EYS: variants seen among roughly 807,000 people sequenced by gnomAD.
The protein encoded by EYS is protein eyes shut homolog.
A neutral mutation model predicts 282.1 loss-of-function variants in EYS; 250 were observed. That is an observed-to-expected ratio of 0.89 (90% confidence interval 0.80 to 0.98). The LOEUF (loss-of-function observed/expected upper bound fraction) is 0.98, where lower values mean the gene tolerates loss of function less well. Ranked by LOEUF, EYS falls within the 50% of genes least tolerant of loss-of-function variation. EYS has a pLI of 0.00. For synonymous variants in EYS, 1,355 were observed against 1,282.9 expected, an observed-to-expected ratio of 1.06 and a Z score of -1.20; for missense variants, 4,016 against 3,709.0, an observed-to-expected ratio of 1.08 and a Z score of -2.15.
At chr6:65,660,352 C>T (rs1027630386) in intron 1 of EYS, among the ~76,000 whole-genome samples, 3 of 151,668 alleles carry the variant, frequency 2.0e-5, no homozygotes, top group African/African-American at 7.3e-5. Flanking sequence ...CTGCTTTTCT[C>T]TTGTATTTAT....
chr6:64,977,180 A>G (rs1770498803), intron 14 of EYS, among the ~76,000 whole-genome samples: 1 of 151,996 alleles, frequency 6.6e-6, no homozygotes, highest in Non-Finnish European at 1.5e-5. Flanking sequence ...GGAATGAACC[A>G]CTGCACGTTG....
At chr6:64,973,880 G>C (rs1770383543) in intron 14 of EYS, among the ~76,000 whole-genome samples, 1 of 151,726 alleles carries the variant, frequency 6.6e-6, no homozygotes. Context: ...TTCTGTTTTA[G>C]ATAAACATAG....
intron 19 of EYS, among the ~76,000 whole-genome samples, chr6:64,883,304 G>A (rs747851115): frequency 4.0e-5 from 6 of 151,280 alleles, no homozygotes; most frequent in African/African-American, 1.2e-4. Flanking sequence ...AATGTGCATC[G>A]CTTTGAAGCA....
At chr6:65,597,909 T>C (rs891009767) in intron 2 of EYS, among the ~76,000 whole-genome samples, 2 of 151,892 alleles carry the variant, frequency 1.3e-5, no homozygotes, top group Non-Finnish European at 2.9e-5. Context: ...GAAACCAGCA[T>C]GGGCAACATG....
intron 31 of EYS, among the ~76,000 whole-genome samples, chr6:64,167,237 A>G (rs1479707758): frequency 1.3e-5 from 2 of 152,218 alleles, no homozygotes; most frequent in Admixed American, 6.5e-5. Context: ...TTTCTGGTAT[A>G]TAAAATGGTA....
At chr6:65,021,945 A>G (rs1238506820) in intron 13 of EYS, among the ~76,000 whole-genome samples, 1 of 152,160 alleles carries the variant, frequency 6.6e-6, no homozygotes, top group African/African-American at 2.4e-5. Context: ...CACTATTACA[A>G]GAACAGCAGC....
chr6:65,289,561 C>T (rs1768465606), intron 12 of EYS, among the ~76,000 whole-genome samples: 1 of 150,934 alleles, frequency 6.6e-6, no homozygotes, highest in South Asian at 2.1e-4. Context: ...ATATATATAC[C>T]ACAGAAAAAG....
intron 33 of EYS, among the ~76,000 whole-genome samples, chr6:64,029,256 G>A (rs1261347830): frequency 6.6e-6 from 1 of 152,160 alleles, no homozygotes; most frequent in Non-Finnish European, 1.5e-5. Flanking sequence ...TCAGACTTGT[G>A]GGACAACCCC....
At chr6:63,968,136 A>G (rs1366481838) in intron 35 of EYS, among the ~76,000 whole-genome samples, 1 of 152,098 alleles carries the variant, frequency 6.6e-6, no homozygotes, top group African/African-American at 2.4e-5. Flanking sequence ...TGCTTTTTAT[A>G]TTTGTCTTCT....
At chr6:63,984,141 G>T (rs1008210251) in intron 35 of EYS, among the ~76,000 whole-genome samples, 4 of 151,654 alleles carry the variant, frequency 2.6e-5, no homozygotes, top group Non-Finnish European at 5.9e-5. Flanking sequence ...CCAAAACCAG[G>T]TCTAGTTACC....
chr6:64,539,336 T>G (rs1764625052), intron 26 of EYS, among the ~76,000 whole-genome samples: 1 of 152,066 alleles, frequency 6.6e-6, no homozygotes, highest in Non-Finnish European at 1.5e-5. Context: ...GAGGCCCAGG[T>G]AGGAGGATCG....
At chr6:65,186,775 T>G (rs2150236965) in intron 12 of EYS, among the ~76,000 whole-genome samples, 1 of 151,820 alleles carries the variant, frequency 6.6e-6, no homozygotes, top group Admixed American at 6.6e-5. Flanking sequence ...CACCATAGCA[T>G]CACAGTACTT....
chr6:64,397,222 G>A (rs1773410709), intron 28 of EYS, among the ~76,000 whole-genome samples: 1 of 151,832 alleles, frequency 6.6e-6, no homozygotes, highest in Non-Finnish European at 1.5e-5. Flanking sequence ...ATATAACAGT[G>A]GATTTACTTT....
rs188271465 is a variant in EYS, at chr6:64,320,367, G to A, written c.6079-13285C>T. On this transcript the variant is annotated intron_variant, in intron 29 of 42. Coordinates refer to ENST00000503581, the MANE Select transcript of EYS (RefSeq NM_001142800.2). ...TGAGTCTATGGGTTGTTGAATCTCTGCTCATTTTTTCCCCACCATTTTATA... is the reference window on the plus strand; with the variant it reads ...TGAGTCTATGGGTTGTTGAATCTCTACTCATTTTTTCCCCACCATTTTATA... Among the ~76,000 whole-genome samples, 149 of 151,686 alleles carry A rather than the reference G, an allele frequency of 9.8e-4. No individual in the cohort carries two copies. The Middle Eastern group carries it at 0.014, about 14-fold the overall frequency.
intron 31 of EYS, among the ~76,000 whole-genome samples, chr6:64,199,576 T>TG (rs1765399317): frequency 6.6e-6 from 1 of 151,950 alleles, no homozygotes; most frequent in African/African-American, 2.4e-5. Flanking sequence ...AATTGACAAA[T>TG]GGGATCTAAT....
intron 28 of EYS, among the ~76,000 whole-genome samples, chr6:64,421,982 C>T (rs1323725297): frequency 2.0e-5 from 3 of 151,444 alleles, no homozygotes; most frequent in East Asian, 2.0e-4. Context: ...ACAACTGGAA[C>T]GATTTTGGCT....
chr6:65,039,316 G>T (rs573327129), intron 13 of EYS, among the ~76,000 whole-genome samples: 1 of 151,352 alleles, frequency 6.6e-6, no homozygotes, highest in East Asian at 2.0e-4. Flanking sequence ...TAAATTAATT[G>T]TATAAGTGTG....
intron 5 of EYS, among the ~76,000 whole-genome samples, chr6:65,466,475 A>C (rs1765005581): frequency 6.6e-6 from 1 of 152,106 alleles, no homozygotes; most frequent in South Asian, 2.1e-4. Flanking sequence ...GACAATGTAT[A>C]TTTCATATGA....
At chr6:63,732,244 T>C (rs1160252947) in intron 41 of EYS, among the ~76,000 whole-genome samples, 2 of 152,144 alleles carry the variant, frequency 1.3e-5, no homozygotes, top group East Asian at 3.8e-4. Flanking sequence ...AAATGAATTT[T>C]ATTAATAGCT....
Sources: gnomAD v4.1 joint callset for allele counts (sites outside exome capture counted in the v4.1 genomes callset) on GRCh38, gnomAD v4.1.1 for gene constraint, MANE v1.5 for transcripts, NCBI Gene and HGNC (gene_info 2026-07-23, HGNC 2026-07-21) for gene names.